Variants in UBR3 observed in about 807,000 individuals in gnomAD.
The protein encoded by UBR3 is ubiquitin protein ligase E3 component n-recognin 3.
Under a neutral mutation model 243.2 loss-of-function variants are expected in UBR3, and 85 were observed. The ratio of observed to expected loss-of-function variants is 0.35; its 90% CI spans 0.29 to 0.42. The LOEUF (loss-of-function observed/expected upper bound fraction) is 0.42, where lower values mean the gene tolerates loss of function less well. Among genes scored for constraint, UBR3 ranks in the 10% least tolerant of loss-of-function variants. The pLI is 1.00. For synonymous variants in UBR3, 748 were observed against 799.8 expected (o/e 0.94, Z 1.09); for missense variants, 1,686 against 2,300.8 (o/e 0.73, Z 5.47).
In UBR3 at chr2:169,937,511, A is replaced by G. The variant is rs557083302; in HGVS notation, c.2663+4503A>G. Among the ~76,000 whole-genome samples, 74 of 152,250 alleles carry G rather than the reference A, an allele frequency of 4.9e-4. 1 individual carries two copies. The highest frequency in any genetic ancestry group is 8.7e-4 in the Non-Finnish European group (59 of 68,014). On this transcript the variant is annotated intron_variant, in intron 19 of 38. Transcript: ENST00000272793. ...TGCAGTGCAGAAACTCTTTAGTTTG[A>G]TTAGATCCCATTTGTCAATTTTGGC...
At chr2:169,848,652 A>G (rs930842987) in intron 1 of UBR3, among the ~76,000 whole-genome samples, 2 of 151,768 alleles carry the variant, frequency 1.3e-5, no homozygotes, top group African/African-American at 4.8e-5. Context: ...CACCTGTTAT[A>G]TATATGAGTA....
intron 1 of UBR3, among the ~76,000 whole-genome samples, chr2:169,863,140 G>C (rs1281106965): frequency 6.6e-6 from 1 of 152,070 alleles, no homozygotes; most frequent in African/African-American, 2.4e-5. Context: ...CTTGCAAATA[G>C]ACCACCAGAA....
At chr2:170,018,154 G>A (rs940697351) in intron 30 of UBR3, among the ~76,000 whole-genome samples, 2 of 152,044 alleles carry the variant, frequency 1.3e-5, no homozygotes, top group African/African-American at 4.8e-5. Flanking sequence ...ACATTGCCTT[G>A]GGATCTTTCC....
rs73017686 is a variant in UBR3, at chr2:169,997,780, A to G, written c.3918+3324A>G. Among the ~76,000 whole-genome samples, 997 of 152,244 alleles carry G rather than the reference A, an allele frequency of 6.5e-3. 6 individuals carry two copies. Among genetic ancestry groups the G allele is most frequent in the Middle Eastern group, 0.031 (9 of 294 alleles). ...AGCCTTCTGTGTGAGAGGGGGCCTG[A>G]AAATGGGTAGCTGCCTTGTGACTGA... On this transcript the variant is annotated intron_variant, in intron 26 of 38. Transcript: ENST00000272793.
chr2:169,981,876 AATG>A (rs1180893926), intron 24 of UBR3, among the ~76,000 whole-genome samples: 2 of 152,128 alleles, frequency 1.3e-5, no homozygotes, highest in East Asian at 3.8e-4. Flanking sequence ...GGAAAGCAAG[AATG>A]ATAATAAAAA....
intron 1 of UBR3, among the ~76,000 whole-genome samples, chr2:169,834,663 A>G (rs1353431219): frequency 1.3e-5 from 2 of 152,224 alleles, no homozygotes; most frequent in East Asian, 3.8e-4. Context: ...CGTCCCAGCC[A>G]GGACTATTTT....
At chr2:170,008,103 T>C (rs2105405481) in intron 28 of UBR3, among the ~76,000 whole-genome samples, 2 of 152,320 alleles carry the variant, frequency 1.3e-5, no homozygotes, top group South Asian at 4.1e-4. Flanking sequence ...GTCAGACTAC[T>C]GTAGGGGGGA....
rs184791611 is a variant in UBR3 at position 169,897,235 on chromosome 2, A to G, written c.1465+500A>G. On this transcript the variant is annotated intron_variant, in intron 8 of 38. Coordinates refer to ENST00000272793, the MANE Select transcript of UBR3 (RefSeq NM_172070.4). The stretch of plus-strand genomic sequence containing the variant: ...ATAAATTTGCTGCTATCAGTCTTAG[A>G]TATTTTTACATGCTTATACTTTTAT... Among the ~76,000 whole-genome samples, 17 of 152,188 alleles carry G rather than the reference A, an allele frequency of 1.1e-4. No individual in the cohort carries two copies. The East Asian group carries it at 2.5e-3, about 22-fold the overall frequency.
chr2:169,987,317 T>C (rs1270886892), intron 25 of UBR3, among the ~76,000 whole-genome samples: 4 of 142,944 alleles, frequency 2.8e-5, no homozygotes, highest in Non-Finnish European at 1.5e-5. Flanking sequence ...CGCTGGAACC[T>C]GGGAGGCAGA....
At chr2:170,003,019 C>G (rs1352392021) in intron 27 of UBR3, among the ~76,000 whole-genome samples, 1 of 152,172 alleles carries the variant, frequency 6.6e-6, no homozygotes, top group African/African-American at 2.4e-5. Context: ...GTTCCTAACT[C>G]AGAAGCAGTA....
intron 1 of UBR3, among the ~76,000 whole-genome samples, chr2:169,828,472 GTTA>G (rs1573986749): frequency 6.6e-6 from 1 of 152,108 alleles, no homozygotes; most frequent in East Asian, 1.9e-4. Flanking sequence ...GGGAGGGGAT[GTTA>G]TTGGGGACCG....
chr2:169,937,456 T>G (rs1432913029), intron 19 of UBR3, among the ~76,000 whole-genome samples: 1 of 152,236 alleles, frequency 6.6e-6, no homozygotes, highest in Non-Finnish European at 1.5e-5. Flanking sequence ...ATTCTGTAAG[T>G]TGCCTGTTCA....
intron 26 of UBR3, among the ~76,000 whole-genome samples, chr2:169,995,679 A>C (rs1312886489): frequency 2.0e-5 from 3 of 152,218 alleles, no homozygotes; most frequent in Non-Finnish European, 4.4e-5. Context: ...AAAGATATAT[A>C]ATAAAATTTC....
intron 35 of UBR3, among the ~76,000 whole-genome samples, chr2:170,066,766 C>G (rs1217228289): frequency 6.6e-6 from 1 of 152,008 alleles, no homozygotes; most frequent in African/African-American, 2.4e-5. Context: ...GAGATCGAGA[C>G]CATCCTGGCT....
chr2:169,840,552 G>C (rs1304106640), intron 1 of UBR3, among the ~76,000 whole-genome samples: 1 of 152,126 alleles, frequency 6.6e-6, no homozygotes, highest in Admixed American at 6.6e-5. Flanking sequence ...TATGGTTCTG[G>C]GGTTTTGGGG....
chr2:170,081,536 A>T (rs2091906716), intron 38 of UBR3, among the ~76,000 whole-genome samples, 190 bp from the exon 39 acceptor site: 2 of 151,920 alleles, frequency 1.3e-5, no homozygotes, highest in South Asian at 4.2e-4. Context: ...AAAAAAATAA[A>T]AAAAGGAGGC....
intron 19 of UBR3, among the ~76,000 whole-genome samples, chr2:169,937,859 T>C (rs1271325534): frequency 6.6e-6 from 1 of 152,208 alleles, no homozygotes; most frequent in Non-Finnish European, 1.5e-5. Context: ...TCTTTCTTTT[T>C]GGCCTGGTCA....
intron 23 of UBR3, among the ~76,000 whole-genome samples, chr2:169,953,260 A>G (rs1342303707): frequency 1.3e-5 from 2 of 152,356 alleles, no homozygotes; most frequent in African/African-American, 4.8e-5. Flanking sequence ...CTAAGGATTA[A>G]GATGACTCTA....
At chr2:169,995,705 A>C (rs2089453806) in intron 26 of UBR3, among the ~76,000 whole-genome samples, 1 of 152,182 alleles carries the variant, frequency 6.6e-6, no homozygotes, top group Non-Finnish European at 1.5e-5. Context: ...GATACTTTTA[A>C]AATGTGAAGT....
Sources: allele counts gnomAD v4.1 joint callset (sites outside exome capture counted in the v4.1 genomes callset), GRCh38; gene constraint gnomAD v4.1.1; transcripts MANE v1.5; gene names NCBI Gene and HGNC (gene_info 2026-07-23, HGNC 2026-07-21).